Variants in CEP83 observed in about 807,000 individuals in gnomAD.
The protein encoded by CEP83 is centrosomal protein 83.
CEP83 carries 70 observed loss-of-function variants against 101.9 expected under a neutral mutation model. The observed-to-expected ratio is 0.69, with a 90% confidence interval of 0.57 to 0.84. CEP83 has a LOEUF of 0.84. CEP83 is among the 40% of genes least tolerant of loss of function. The pLI is 0.00. For missense variants in CEP83, 715 were observed against 787.2 expected (o/e 0.91, Z 1.10); for synonymous variants, 264 against 267.9 (o/e 0.99, Z 0.14).
intron 6 of CEP83, among the ~76,000 whole-genome samples, chr12:94,382,975 T>C (rs1296958728): frequency 6.6e-6 from 1 of 152,084 alleles, no homozygotes; most frequent in Non-Finnish European, 1.5e-5. Context: ...AGTCACCAAC[T>C]ATAATTATAG....
At chr12:94,310,167 A>C in intron 15 of CEP83, 60 bp from the exon 16 acceptor site, 2 of 690,614 alleles carry the variant, frequency 2.9e-6, no homozygotes, top group Non-Finnish European at 4.5e-6. Flanking sequence ...GCACAGTATG[A>C]TTCACAGAAT....
At chr12:94,384,891 T>C (rs2062047135) in intron 6 of CEP83, among the ~76,000 whole-genome samples, 1 of 152,238 alleles carries the variant, frequency 6.6e-6, no homozygotes, top group Admixed American at 6.5e-5. Context: ...ATCTCAGTGT[T>C]GGCATCTATT....
chr12:94,382,828 A>T (rs914643141), intron 6 of CEP83, among the ~76,000 whole-genome samples: 1 of 152,022 alleles, frequency 6.6e-6, no homozygotes, highest in Non-Finnish European at 1.5e-5. Flanking sequence ...ACTTCAAAAG[A>T]ACATGTCTGG....
intron 8 of CEP83, among the ~76,000 whole-genome samples, chr12:94,371,349 T>C (rs953859618): frequency 2.6e-5 from 4 of 152,106 alleles, no homozygotes; most frequent in Admixed American, 6.5e-5. Context: ...GACAAAATAG[T>C]GTAATGTGTA....
the CEP83 span, among the ~76,000 whole-genome samples, chr12:94,276,279 C>A: frequency 6.6e-6 from 1 of 152,156 alleles, no homozygotes; most frequent in Non-Finnish European, 1.5e-5. Context: ...AATTACCCGC[C>A]ACCATGAGAA....
In CEP83 at chr12:94,375,922, A is replaced by G. The variant is rs779020726; in HGVS notation, c.897T>C (p.His299=). The change falls in exon 8 of 17, where the codon CAT becomes CAC. Residue 299 remains histidine (H), a synonymous_variant. Coordinates refer to ENST00000397809, the MANE Select transcript of CEP83 (RefSeq NM_016122.3). ...EQNTFLINKL[H]KAEREINTLS... is the part of the protein sequence containing the mutation. ...ATGTATTTATTTCTCGTTCAGCTTT[A>G]TGCAATTTATTAATTAAAAAGGTAT... 13 of 1,524,338 alleles carry G rather than the reference A, an allele frequency of 8.5e-6. No homozygotes were observed. The highest frequency in any genetic ancestry group is 1.1e-5 in the Non-Finnish European group (12 of 1,118,884). 94.4% of individuals were successfully genotyped at this position (1,524,338 alleles called of 1,614,324 possible).
the CEP83 span, among the ~76,000 whole-genome samples, chr12:94,274,467 G>A: frequency 1.3e-5 from 2 of 152,218 alleles, no homozygotes; most frequent in African/African-American, 4.8e-5. Flanking sequence ...CTGCTGTGCA[G>A]ACCTGGCCTT....
chr12:94,445,362 A>T (rs767662827), intron 1 of CEP83, among the ~76,000 whole-genome samples: 2 of 152,202 alleles, frequency 1.3e-5, no homozygotes. Context: ...GCCTGAATTA[A>T]AAACCTAAAC....
chr12:94,366,929 A>G (rs1170049790), intron 11 of CEP83, among the ~76,000 whole-genome samples: 1 of 152,162 alleles, frequency 6.6e-6, no homozygotes, highest in East Asian at 1.9e-4. Flanking sequence ...CAAATCTGAG[A>G]AAAGTTAAGC....
Position 94,412,463 on chromosome 12 carries a change from C to T in CEP83, c.28G>A (p.Asp10Asn), listed in dbSNP as rs2137797827. The T allele has an allele frequency of 6.2e-7, 1 of 1,612,434 alleles. No individual in the cohort carries two copies. Among genetic ancestry groups the T allele is most frequent in the Non-Finnish European group, 8.5e-7 (1 of 1,179,442 alleles). Residue 10 changes from aspartate to asparagine, a missense_variant, in exon 3 of 17, where the codon GAC becomes AAC. Transcript: ENST00000397809. MVVSTFTDM[D>N]TFPNNFPPGG... ...GGAGGAAAATTATTGGGAAAAGTGT[C>T]CATATCGGTAAATGTGCTGACAACC...
At chr12:94,429,393 G>C (rs2065448806) in intron 2 of CEP83, among the ~76,000 whole-genome samples, 2 of 152,190 alleles carry the variant, frequency 1.3e-5, no homozygotes, top group Non-Finnish European at 2.9e-5. Context: ...CATTGCTCCA[G>C]AGAGGGAGCT....
intron 14 of CEP83, among the ~76,000 whole-genome samples, chr12:94,321,983 TCAA>T (rs1220967206): frequency 6.6e-6 from 1 of 151,952 alleles, no homozygotes; most frequent in East Asian, 1.9e-4. Flanking sequence ...CCTGAAGATA[TCAA>T]CAAGGAAGTC....
chr12:94,288,023 C>G, the CEP83 span, among the ~76,000 whole-genome samples: 120 of 152,322 alleles, frequency 7.9e-4, 1 homozygote, highest in East Asian at 0.022. Flanking sequence ...AATAACCACT[C>G]TAGAGACTGT....
chr12:94,295,717 C>T, the CEP83 span, among the ~76,000 whole-genome samples: 1 of 152,128 alleles, frequency 6.6e-6, no homozygotes, highest in Non-Finnish European at 1.5e-5. Context: ...AAGAAAGGCA[C>T]ATAATGGCAC....
chr12:94,294,809 T>C, the CEP83 span, among the ~76,000 whole-genome samples: 1 of 152,086 alleles, frequency 6.6e-6, no homozygotes, highest in Non-Finnish European at 1.5e-5. Flanking sequence ...CAGGGCAGAA[T>C]CTCATAGCTT....
chr12:94,378,101 A>G (rs886622456), intron 7 of CEP83, among the ~76,000 whole-genome samples: 2 of 152,220 alleles, frequency 1.3e-5, no homozygotes, highest in African/African-American at 4.8e-5. Context: ...TTCCAAAGGA[A>G]AAAGAAACAC....
chr12:94,424,888 C>T, intron 2 of CEP83: 5 of 1,599,972 alleles, frequency 3.1e-6, no homozygotes, highest in Non-Finnish European at 4.3e-6. Context: ...TCTGCTGAGC[C>T]AATGACACAT....
At chr12:94,384,635 A>G (rs1287540809) in intron 6 of CEP83, among the ~76,000 whole-genome samples, 1 of 152,010 alleles carries the variant, frequency 6.6e-6, no homozygotes, top group Non-Finnish European at 1.5e-5. Context: ...CTAATGTTCT[A>G]CCTTTAAGCT....
intron 2 of CEP83, chr12:94,423,794 C>T (rs1026733629): frequency 1.2e-6 from 2 of 1,613,660 alleles, no homozygotes; most frequent in Non-Finnish European, 1.7e-6. Context: ...GGTGTGTCCA[C>T]TGCCACTTGG....
Sources: allele counts gnomAD v4.1 joint callset (sites outside exome capture counted in the v4.1 genomes callset), GRCh38; gene constraint gnomAD v4.1.1; transcripts MANE v1.5; gene names NCBI Gene and HGNC (gene_info 2026-07-23, HGNC 2026-07-21).